Variants in CCBE1 observed in about 807,000 individuals in gnomAD.
The protein encoded by CCBE1 is collagen and calcium binding EGF domains 1, also known as collagen and calcium-binding EGF domain-containing protein 1.
In CCBE1, 37 loss-of-function variants were observed where a neutral mutation model predicts 50.0. The observed-to-expected ratio is 0.74, with a 90% CI of 0.57 to 0.97. The LOEUF is 0.97. CCBE1 is among the 50% of genes least tolerant of loss of function. CCBE1 has a pLI of 0.00. For missense variants in CCBE1, 538 were observed against 523.8 expected, an observed-to-expected ratio of 1.03 and a Z score of -0.26; for synonymous variants, 234 against 203.7, an observed-to-expected ratio of 1.15 and a Z score of -1.27.
intron 2 of CCBE1, among the ~76,000 whole-genome samples, chr18:59,661,196 A>C (rs1195391858): frequency 6.6e-6 from 1 of 151,922 alleles, no homozygotes; most frequent in Admixed American, 6.6e-5. Context: ...GAGACCAACA[A>C]CACAGTAAAT....
chr18:59,616,082 T>C (rs2053633288), intron 2 of CCBE1, among the ~76,000 whole-genome samples: 2 of 152,186 alleles, frequency 1.3e-5, no homozygotes, highest in Non-Finnish European at 2.9e-5. Context: ...CTGCTTAGCA[T>C]ATTCTTGGGG....
At chr18:59,668,344 G>A (rs899894184) in intron 2 of CCBE1, among the ~76,000 whole-genome samples, 1 of 152,056 alleles carries the variant, frequency 6.6e-6, no homozygotes. Context: ...TGTTACCTGG[G>A]AGGCAGAGGT....
At chr18:59,570,856 C>G (rs1266738946) in intron 2 of CCBE1, among the ~76,000 whole-genome samples, 2 of 152,196 alleles carry the variant, frequency 1.3e-5, no homozygotes, top group African/African-American at 4.8e-5. Flanking sequence ...AGGCTGCCCA[C>G]CAACCAGGAT....
intron 2 of CCBE1, among the ~76,000 whole-genome samples, chr18:59,671,052 G>T (rs1202998058): frequency 6.6e-6 from 1 of 152,182 alleles, no homozygotes; most frequent in East Asian, 1.9e-4. Flanking sequence ...CCACAACTTG[G>T]CCTCAAGCAA....
chr18:59,607,272 A>C (rs570357378), intron 2 of CCBE1, among the ~76,000 whole-genome samples: 1 of 152,296 alleles, frequency 6.6e-6, no homozygotes, highest in South Asian at 2.1e-4. Context: ...GCAATGTAGA[A>C]TACGGCCCAT....
At chr18:59,676,425 T>C (rs1362553859) in intron 2 of CCBE1, among the ~76,000 whole-genome samples, 1 of 152,226 alleles carries the variant, frequency 6.6e-6, no homozygotes, top group Non-Finnish European at 1.5e-5. Context: ...ATATGTCTCC[T>C]GCCCTGTTTA....
At chr18:59,594,344 T>G (rs2053319417) in intron 2 of CCBE1, among the ~76,000 whole-genome samples, 1 of 152,168 alleles carries the variant, frequency 6.6e-6, no homozygotes, top group African/African-American at 2.4e-5. Flanking sequence ...GCTAGTGTAG[T>G]CAAATTCAGA....
intron 2 of CCBE1, among the ~76,000 whole-genome samples, chr18:59,488,101 C>T (rs767101065): frequency 5.3e-5 from 8 of 152,284 alleles, no homozygotes; most frequent in Admixed American, 2.0e-4. Flanking sequence ...AGGAGAAATA[C>T]GGCATGATTC....
chr18:59,538,756 C>T (rs1169372877), intron 2 of CCBE1, among the ~76,000 whole-genome samples: 1 of 152,210 alleles, frequency 6.6e-6, no homozygotes, highest in Non-Finnish European at 1.5e-5. Flanking sequence ...CAGACATCTA[C>T]AATGATCTCA....
chr18:59,652,793 T>C (rs2054142738), intron 2 of CCBE1, among the ~76,000 whole-genome samples: 1 of 152,116 alleles, frequency 6.6e-6, no homozygotes, highest in African/African-American at 2.4e-5. Context: ...TGAAACCCCA[T>C]CTCTACTAAA....
intron 2 of CCBE1, among the ~76,000 whole-genome samples, chr18:59,562,660 C>T (rs912195336): frequency 6.6e-6 from 1 of 152,230 alleles, no homozygotes; most frequent in Non-Finnish European, 1.5e-5. Context: ...CTTTTGTTAC[C>T]TGTTACTCCC....
intron 2 of CCBE1, among the ~76,000 whole-genome samples, chr18:59,554,849 G>A (rs1408407314): frequency 2.0e-5 from 3 of 152,184 alleles, no homozygotes; most frequent in East Asian, 1.9e-4. Context: ...CAGAGTGCAG[G>A]TCATGGCCCT....
rs182363425 is a variant in CCBE1, at chr18:59,606,079, G to A, written c.212+90550C>T. ...CGATTCAACTCCCATTTACCCCAAA[G>A]TTTAATGATTGTCAAAACAAGTCAT... On this transcript the variant is annotated intron_variant, in intron 2 of 10. Transcript: ENST00000439986. Among the ~76,000 whole-genome samples the A allele has an allele frequency of 3.7e-3, 570 of 152,298 alleles. 3 individuals are homozygous for A. The highest frequency in any genetic ancestry group is 0.013 in the African/African-American group (546 of 41,552).
At chr18:59,528,980 G>A (rs2144347930) in intron 2 of CCBE1, among the ~76,000 whole-genome samples, 1 of 152,312 alleles carries the variant, frequency 6.6e-6, no homozygotes, top group South Asian at 2.1e-4. Flanking sequence ...GAAGCACTCT[G>A]GCTGCCTCTT....
At chr18:59,567,799 G>C (rs7242473) in intron 2 of CCBE1, among the ~76,000 whole-genome samples, 50,656 of 152,072 alleles carry the variant, frequency 0.33, 9,096 homozygotes, top group East Asian at 0.61. Flanking sequence ...AAAGATGATC[G>C]TACTTAAAAG....
chr18:59,525,755 AGTT>A (rs1914793125), intron 2 of CCBE1, among the ~76,000 whole-genome samples: 1 of 151,968 alleles, frequency 6.6e-6, no homozygotes, highest in African/African-American at 2.4e-5. Flanking sequence ...ATCCATCTTG[AGTT>A]AATTTTTGTT....
chr18:59,589,348 G>C (rs2053225478), intron 2 of CCBE1, among the ~76,000 whole-genome samples: 2 of 152,258 alleles, frequency 1.3e-5, no homozygotes, highest in South Asian at 4.2e-4. Context: ...AGGCCCATAT[G>C]GTTTTACTGA....
At chr18:59,612,027 G>A (rs2144584660) in intron 2 of CCBE1, among the ~76,000 whole-genome samples, 1 of 152,286 alleles carries the variant, frequency 6.6e-6, no homozygotes, top group Middle Eastern at 3.4e-3. Flanking sequence ...GCCAGTGAAT[G>A]CCTCTACTCA....
chr18:59,677,655 C>T (rs2054523646), intron 2 of CCBE1, among the ~76,000 whole-genome samples: 1 of 151,878 alleles, frequency 6.6e-6, no homozygotes. Context: ...GCAGGAGGAT[C>T]ACTTGAACCC....
Sources: gnomAD v4.1 joint callset for allele counts (sites outside exome capture counted in the v4.1 genomes callset) on GRCh38, gnomAD v4.1.1 for gene constraint, MANE v1.5 for transcripts, NCBI Gene and HGNC (gene_info 2026-07-23, HGNC 2026-07-21) for gene names.